Variants in NTM observed in about 807,000 individuals in gnomAD.
The protein encoded by NTM is neurotrimin, also known as IgLON family member 2.
Under a neutral mutation model 42.1 loss-of-function variants are expected in NTM, and 13 were observed. The observed-to-expected ratio is 0.31, with a 90% confidence interval of 0.20 to 0.49. NTM has a LOEUF of 0.49. Ranked by LOEUF, NTM falls within the 20% of genes least tolerant of loss-of-function variation. The pLI is 0.99. For synonymous variants in NTM, 187 were observed against 179.2 expected (o/e 1.04, Z -0.35); for missense variants, 373 against 452.8 (o/e 0.82, Z 1.60).
intron 3 of NTM, among the ~76,000 whole-genome samples, chr11:132,200,236 G>A (rs1301730111): frequency 6.6e-6 from 1 of 152,170 alleles, no homozygotes; most frequent in Non-Finnish European, 1.5e-5. Context: ...CAGGATTCAA[G>A]ATTCAAGGTC....
At chr11:131,558,605 C>T (rs539230238) in intron 1 of NTM, among the ~76,000 whole-genome samples, 70 of 152,242 alleles carry the variant, frequency 4.6e-4, no homozygotes, top group African/African-American at 1.6e-3. Flanking sequence ...AAGGTGATCC[C>T]CTGAGAAGTT....
chr11:132,299,092 G>A (rs896368927), intron 4 of NTM, among the ~76,000 whole-genome samples: 5 of 152,198 alleles, frequency 3.3e-5, no homozygotes, highest in African/African-American at 4.8e-5. Context: ...TCAGGAGGTC[G>A]AGACCATCCT....
chr11:132,092,785 G>T (rs2060522634), intron 2 of NTM, among the ~76,000 whole-genome samples: 1 of 152,126 alleles, frequency 6.6e-6, no homozygotes, highest in South Asian at 2.1e-4. Flanking sequence ...CCATATAGTA[G>T]TGGTCCCTTG....
intron 2 of NTM, among the ~76,000 whole-genome samples, chr11:132,028,633 G>T (rs561319794): frequency 6.6e-6 from 1 of 152,106 alleles, no homozygotes; most frequent in Admixed American, 6.6e-5. Context: ...CCCCTGCGCC[G>T]TGAGCTTCAC....
chr11:132,020,748 A>G (rs1316770062), intron 2 of NTM, among the ~76,000 whole-genome samples: 1 of 152,144 alleles, frequency 6.6e-6, no homozygotes, highest in Non-Finnish European at 1.5e-5. Context: ...ATGTGAGGTC[A>G]CAGCCATCTT....
intron 1 of NTM, among the ~76,000 whole-genome samples, chr11:131,664,428 A>G (rs1380314551): frequency 1.3e-5 from 2 of 152,206 alleles, no homozygotes; most frequent in African/African-American, 2.4e-5. Flanking sequence ...TTTTGCCAAT[A>G]CAAGGAACAG....
At chr11:132,276,688 A>C (rs995846268) in intron 4 of NTM, among the ~76,000 whole-genome samples, 3 of 152,142 alleles carry the variant, frequency 2.0e-5, no homozygotes, top group African/African-American at 7.2e-5. Flanking sequence ...CAGCAACATC[A>C]TCCACATGGT....
chr11:131,970,824 A>G (rs1364068493), intron 2 of NTM, among the ~76,000 whole-genome samples: 1 of 152,172 alleles, frequency 6.6e-6, no homozygotes, highest in Non-Finnish European at 1.5e-5. Flanking sequence ...CAAAAGTGTT[A>G]TCTTATTTTT....
At chr11:131,659,041 T>C (rs1002485604) in intron 1 of NTM, among the ~76,000 whole-genome samples, 3 of 152,138 alleles carry the variant, frequency 2.0e-5, no homozygotes, top group African/African-American at 7.2e-5. Flanking sequence ...GGAAGACATG[T>C]AGGTATAGAT....
intron 4 of NTM, among the ~76,000 whole-genome samples, chr11:132,302,059 A>T (rs1211013850): frequency 1.3e-5 from 2 of 152,184 alleles, no homozygotes; most frequent in African/African-American, 4.8e-5. Context: ...TATGCACACA[A>T]GACAGTCTCT....
intron 4 of NTM, among the ~76,000 whole-genome samples, chr11:132,288,625 T>G (rs2094338666): frequency 6.6e-6 from 1 of 152,106 alleles, no homozygotes; most frequent in South Asian, 2.1e-4. Flanking sequence ...TTCTTTCTTT[T>G]TCTTTTTTTT....
At chr11:132,237,330 C>T (rs1283215330) in intron 4 of NTM, among the ~76,000 whole-genome samples, 1 of 152,116 alleles carries the variant, frequency 6.6e-6, no homozygotes, top group African/African-American at 2.4e-5. Flanking sequence ...TTCCAGTGCC[C>T]TCAGTTTGCG....
intron 2 of NTM, among the ~76,000 whole-genome samples, chr11:132,099,473 C>T (rs1389505587): frequency 6.6e-6 from 1 of 152,124 alleles, no homozygotes; most frequent in Non-Finnish European, 1.5e-5. Context: ...TGACCCACTA[C>T]AGATTCACAA....
At chr11:131,660,674 C>A in intron 1 of NTM, 1 of 434,360 alleles carries the variant, frequency 2.3e-6, no homozygotes, top group South Asian at 1.7e-5. Context: ...ATCCATGAAG[C>A]GGGGACAGAG....
chr11:131,392,102 T>C (rs1944079411), intron 1 of NTM, among the ~76,000 whole-genome samples: 1 of 152,232 alleles, frequency 6.6e-6, no homozygotes, highest in South Asian at 2.1e-4. Context: ...GAGGCCTTTG[T>C]AGTTTGGTTA....
At chr11:132,107,535 TA>T (rs979123857) in intron 2 of NTM, among the ~76,000 whole-genome samples, 2 of 146,954 alleles carry the variant, frequency 1.4e-5, no homozygotes, top group Admixed American at 1.4e-4. Context: ...TTCCTTTATT[TA>T]AAAAAATTTT....
At chr11:131,646,228 G>A (rs1195877852) in intron 1 of NTM, among the ~76,000 whole-genome samples, 1 of 152,272 alleles carries the variant, frequency 6.6e-6, no homozygotes, top group South Asian at 2.1e-4. Context: ...TTCTCATATG[G>A]TCTGTGGTTG....
intron 1 of NTM, among the ~76,000 whole-genome samples, chr11:131,849,425 C>T (rs924720034): frequency 6.6e-5 from 10 of 151,972 alleles, no homozygotes; most frequent in Non-Finnish European, 1.2e-4. Flanking sequence ...GGAGCAGACA[C>T]GACAGTGGTG....
intron 1 of NTM, among the ~76,000 whole-genome samples, chr11:131,584,847 C>T (rs991046334): frequency 2.0e-5 from 3 of 152,270 alleles, no homozygotes; most frequent in African/African-American, 4.8e-5. Flanking sequence ...TCTGATGGGA[C>T]GGAGGCTGGC....
Sources: gnomAD v4.1 joint callset for allele counts (sites outside exome capture counted in the v4.1 genomes callset) on GRCh38, gnomAD v4.1.1 for gene constraint, MANE v1.5 for transcripts, NCBI Gene and HGNC (gene_info 2026-07-23, HGNC 2026-07-21) for gene names.